Variants in SLC22A23 observed in about 807,000 individuals in gnomAD.
SLC22A23 encodes the protein ion transporter protein.
SLC22A23 carries 26 observed loss-of-function variants against 61.0 expected under a neutral mutation model. The ratio of observed to expected loss-of-function variants is 0.43; its 90% confidence interval spans 0.31 to 0.59. The LOEUF is 0.59. Among genes scored for constraint, SLC22A23 ranks in the 20% least tolerant of loss-of-function variants. The pLI is 0.11. For synonymous variants in SLC22A23, 430 were observed against 413.9 expected (o/e 1.04, Z -0.47); for missense variants, 796 against 934.7 (o/e 0.85, Z 1.94).
rs781526188 is a variant in SLC22A23, at chr6:3,280,512, T to TTTTTTTTTTTTCC, written c.1703+3339_1703+3340insGGAAAAAAAAAAA. On this transcript the variant is annotated intron_variant, in intron 9 of 9. Transcript: ENST00000406686. ...CAACTTTTTTTTTTTTTTTTTTTTT[T>TTTTTTTTTTTTCC]TGAGATGGAGTCTCGCTCTGTCGCC... Among the ~76,000 whole-genome samples the TTTTTTTTTTTTCC allele has an allele frequency of 5.0e-4, 49 of 98,324 alleles. 3 individuals carry two copies. Among genetic ancestry groups the TTTTTTTTTTTTCC allele is most frequent in the African/African-American group, 1.3e-3 (36 of 28,090 alleles). 64.5% of individuals were successfully genotyped at this position (98,324 alleles called of 152,430 possible). A position where few individuals can be genotyped will look rare whatever the true frequency, so the allele number is the denominator to read the frequency against.
At chr6:3,293,527 A>C (rs1760807683) in intron 5 of SLC22A23, among the ~76,000 whole-genome samples, 1 of 152,232 alleles carries the variant, frequency 6.6e-6, no homozygotes, top group African/African-American at 2.4e-5. Context: ...CAGACAGCAC[A>C]ATCTTCAATG....
At chr6:3,397,842 T>C (rs575782605) in intron 3 of SLC22A23, among the ~76,000 whole-genome samples, 2 of 152,144 alleles carry the variant, frequency 1.3e-5, no homozygotes, top group Admixed American at 1.3e-4. Flanking sequence ...CGGGGCTGTA[T>C]ATGGTTCTTT....
At chr6:3,399,134 G>C (rs1460217518) in intron 3 of SLC22A23, among the ~76,000 whole-genome samples, 1 of 152,232 alleles carries the variant, frequency 6.6e-6, no homozygotes, top group Non-Finnish European at 1.5e-5. Context: ...CCTGCTTCCA[G>C]AGTCTGGGCC....
intron 3 of SLC22A23, among the ~76,000 whole-genome samples, chr6:3,401,135 A>G (rs1301536685): frequency 6.6e-6 from 1 of 152,242 alleles, no homozygotes; most frequent in Non-Finnish European, 1.5e-5. Context: ...TGAGGTAAGG[A>G]GTTTGAGACC....
Position 3,456,461 on chromosome 6 carries a change from C to A in SLC22A23, c.99G>T (p.Ala33=). 8.3e-7 allele frequency: 1 copy of A among 1,205,130 alleles called. No homozygotes were observed. The highest frequency in any genetic ancestry group is 1.0e-6 in the Non-Finnish European group (1 of 973,386). 74.7% of individuals were successfully genotyped at this position (1,205,130 alleles called of 1,614,324 possible). A position where few individuals can be genotyped will look rare whatever the true frequency, so the allele number is the denominator to read the frequency against. The change falls in exon 1 of 10, where the codon GCG becomes GCT. Residue 33 remains alanine, a synonymous_variant. Transcript: ENST00000406686. This position sits in a 1 kb window ranked among gnomAD's most constrained non-coding sequence, Gnocchi z 7.1. The part of the protein sequence containing the change: ...ENGSLPPGDA[A]ASAPLGGRAG... Reference sequence around the variant, plus strand: ...CGCGTCCCCCGAGGGGCGCCGAGGCCGCCGCGTCCCCGGGCGGCAGGGAGC... The same window carrying A: ...CGCGTCCCCCGAGGGGCGCCGAGGCAGCCGCGTCCCCGGGCGGCAGGGAGC...
At chr6:3,285,860 C>T (rs995290524) in intron 7 of SLC22A23, among the ~76,000 whole-genome samples, 3 of 152,164 alleles carry the variant, frequency 2.0e-5, no homozygotes, top group Non-Finnish European at 2.9e-5. Flanking sequence ...GGTTCATTTT[C>T]CTTGTAAAGG....
chr6:3,289,689 C>T, intron 6 of SLC22A23, 75 bp downstream of exon 6: 7 of 1,215,880 alleles, frequency 5.8e-6, no homozygotes, highest in Non-Finnish European at 8.3e-6. Flanking sequence ...GGGAGCAGGG[C>T]CCTGGGCTTC....
At chr6:3,293,063 C>G (rs1265532953) in intron 5 of SLC22A23, among the ~76,000 whole-genome samples, 1 of 152,208 alleles carries the variant, frequency 6.6e-6, no homozygotes, top group Non-Finnish European at 1.5e-5. Context: ...CGCCCAAGAC[C>G]AGGCTCAGGA....
intron 4 of SLC22A23, among the ~76,000 whole-genome samples, chr6:3,301,746 T>C (rs1481260559): frequency 1.3e-5 from 2 of 152,204 alleles, no homozygotes; most frequent in African/African-American, 4.8e-5. Flanking sequence ...GACATAACTT[T>C]TTCATTGCCC....
At chr6:3,348,775 AG>A (rs2127431783) in intron 3 of SLC22A23, among the ~76,000 whole-genome samples, 1 of 152,334 alleles carries the variant, frequency 6.6e-6, no homozygotes, top group Non-Finnish European at 1.5e-5. Context: ...AGCTGCAGAA[AG>A]TCACCAAATC....
chr6:3,371,231 T>C (rs2127462917), intron 3 of SLC22A23, among the ~76,000 whole-genome samples: 1 of 152,354 alleles, frequency 6.6e-6, no homozygotes, highest in South Asian at 2.1e-4. Context: ...GCTAGAAATC[T>C]GCAAACTTTT....
intron 9 of SLC22A23, among the ~76,000 whole-genome samples, chr6:3,278,963 G>A (rs1000290622): frequency 2.6e-5 from 4 of 152,138 alleles, no homozygotes; most frequent in African/African-American, 7.2e-5. Flanking sequence ...AGGAGGGGTG[G>A]GCAGAGGGCC....
chr6:3,416,726 G>A (rs1769733510), intron 1 of SLC22A23, among the ~76,000 whole-genome samples: 1 of 152,230 alleles, frequency 6.6e-6, no homozygotes, highest in Admixed American at 6.5e-5. Context: ...CAGAGCCGGG[G>A]GTCTAGATGC....
In SLC22A23 at chr6:3,333,937, A is replaced by C. The variant is rs184061444; in HGVS notation, c.914-9935T>G. Among the ~76,000 whole-genome samples, 465 of 152,362 alleles carry C rather than the reference A, an allele frequency of 3.1e-3. 1 individual carries two copies. Among genetic ancestry groups the C allele is most frequent in the African/African-American group, 0.01 (428 of 41,586 alleles). On this transcript the variant is annotated intron_variant, in intron 3 of 9. Transcript: ENST00000406686. The surrounding 1 kb of genome is among the most constrained non-coding windows in gnomAD (Gnocchi z 4.1). ...AAATATTAGCCACTGAATCCTCCTC[A>C]TAAGCGGATGAGGTTGGGAATGGTG...
At chr6:3,321,228 A>G (rs1762928710) in intron 4 of SLC22A23, among the ~76,000 whole-genome samples, 1 of 152,262 alleles carries the variant, frequency 6.6e-6, no homozygotes, top group Non-Finnish European at 1.5e-5. Flanking sequence ...CACTTTTTAC[A>G]GACATGAGAC....
intron 1 of SLC22A23, among the ~76,000 whole-genome samples, chr6:3,421,494 A>G (rs975151467): frequency 2.6e-5 from 4 of 152,230 alleles, no homozygotes; most frequent in African/African-American, 4.8e-5. Flanking sequence ...CTCATGATAT[A>G]ATTGTATGAA....
At chr6:3,283,786 G>C (rs1018591191) in intron 9 of SLC22A23, 66 bp downstream of exon 9, 1 of 1,603,678 alleles carries the variant, frequency 6.2e-7, no homozygotes, top group South Asian at 1.1e-5. Context: ...ACACCAGCCT[G>C]GAGCCAGGGA....
At chr6:3,379,345 T>C (rs1441218336) in intron 3 of SLC22A23, among the ~76,000 whole-genome samples, 2 of 152,196 alleles carry the variant, frequency 1.3e-5, no homozygotes, top group African/African-American at 2.4e-5. Context: ...TTAATGACTA[T>C]CTATGAACTC....
chr6:3,397,318 C>G (rs749234580), intron 3 of SLC22A23, among the ~76,000 whole-genome samples: 3 of 152,226 alleles, frequency 2.0e-5, no homozygotes, highest in African/African-American at 7.2e-5. Context: ...TGAAAAAGTT[C>G]ACCTTTGCAC....
Sources: gnomAD v4.1 joint callset for allele counts (sites outside exome capture counted in the v4.1 genomes callset) on GRCh38, gnomAD v4.1.1 for gene constraint, Gnocchi (gnomAD v3.1) non-coding constraint, MANE v1.5 for transcripts, NCBI Gene and HGNC (gene_info 2026-07-23, HGNC 2026-07-21) for gene names.